The following TSPAN15 variants were observed in gnomAD, a reference collection of about 807,000 sequenced individuals.
TSPAN15 encodes tetraspanin 15, also known as tetraspanin-15.
In TSPAN15, 20 loss-of-function variants were observed where a neutral mutation model predicts 34.5. The ratio of observed to expected loss-of-function variants is 0.58; its 90% CI spans 0.41 to 0.84. TSPAN15 has a LOEUF of 0.84. Ranked by LOEUF, TSPAN15 falls within the 40% of genes least tolerant of loss-of-function variation. TSPAN15 has a pLI of 0.00. For missense variants in TSPAN15, 313 were observed against 386.1 expected (o/e 0.81, Z 1.59); for synonymous variants, 155 against 153.9 (o/e 1.01, Z -0.05).
rs982106731 is a variant in TSPAN15 at position 69,455,522 on chromosome 10, CTCTT to C, written c.96+3840_96+3843del. Among the ~76,000 whole-genome samples, 6 of 147,636 alleles carry C rather than the reference CTCTT, an allele frequency of 4.1e-5. No individual in the cohort carries two copies. In the East Asian group the frequency reaches 7.9e-4, roughly 20 times the overall value. On this transcript the variant is annotated intron_variant, in intron 1 of 7. Transcript: ENST00000373290. The stretch of plus-strand genomic sequence containing the variant: ...GGTTGTTCCCAGTCTTTCTTTCCCT[CTCTT>C]TCTTTCTCTTTCTTTCTTTCTTCTC...
intron 3 of TSPAN15, among the ~76,000 whole-genome samples, chr10:69,493,359 TG>T (rs1419481671): frequency 6.6e-5 from 10 of 152,118 alleles, no homozygotes; most frequent in African/African-American, 2.2e-4. Context: ...TCTCTTCTCT[TG>T]GGGCTGACTC....
chr10:69,465,859 TC>T (rs67560560), intron 1 of TSPAN15, among the ~76,000 whole-genome samples: 60,649 of 152,110 alleles, frequency 0.4, 12,603 homozygotes, highest in Non-Finnish European at 0.45. Flanking sequence ...TCTCTGATCC[TC>T]CCCGAAGCTC....
In TSPAN15 at chr10:69,485,205, T is replaced by C; in HGVS notation, c.347T>C (p.Phe116Ser). 1 of 1,613,980 alleles carries C rather than the reference T, an allele frequency of 6.2e-7. No individual in the cohort carries two copies. ...ATTGGTGGCGTGGTGGCCTTGACCTTCCGGAACCAGGTGGGCCTGTGGATT... is the reference window on the plus strand; with the variant it reads ...ATTGGTGGCGTGGTGGCCTTGACCTCCCGGAACCAGGTGGGCCTGTGGATT... The part of the protein sequence containing the change: ...ELIGGVVALT[F>S]RNQTIDFLND... The change falls in exon 3 of 8, where the codon TTC (phenylalanine) becomes TCC (serine). Residue 116 changes from phenylalanine (F) to serine (S), a missense_variant. Phe to Ser is a radical substitution (Grantham distance 155, BLOSUM62 -2). Transcript: ENST00000373290.
the TSPAN15 span, among the ~76,000 whole-genome samples, chr10:69,519,197 G>C: frequency 2.2e-4 from 33 of 152,290 alleles, 1 homozygote; most frequent in Admixed American, 2.0e-3. Flanking sequence ...CAGGTGGATT[G>C]CTTGAGCCCA....
In TSPAN15 at chr10:69,483,904, G is replaced by A. The variant is rs200399099; in HGVS notation, c.282+28G>A. The A allele has an allele frequency of 6.2e-6, 10 of 1,604,100 alleles. No homozygotes were observed. The East Asian group carries it at 2.0e-4, about 32-fold the overall frequency. ...GAGTGGACCACACCACCCCTCAGCC[G>A]GGACTCCCCAGGAGAGCTGGGGCGC... On this transcript the variant is annotated intron_variant, in intron 2 of 7. Coordinates refer to ENST00000373290, the MANE Select transcript of TSPAN15 (RefSeq NM_012339.5).
chr10:69,470,464 A>G (rs958369997), intron 1 of TSPAN15, among the ~76,000 whole-genome samples: 3 of 152,166 alleles, frequency 2.0e-5, no homozygotes, highest in Non-Finnish European at 4.4e-5. Flanking sequence ...GCCTCAAAAT[A>G]CACTGCCTGC....
chr10:69,543,842 GGAGTGT>G, the TSPAN15 span, among the ~76,000 whole-genome samples: 2 of 99,182 alleles, frequency 2.0e-5, no homozygotes, highest in Non-Finnish European at 4.2e-5. Flanking sequence ...AGGAAGAAGG[GGAGTGT>G]GTGTGTGTGT....
chr10:69,460,016 GGAGATGAGATGAGATGAGATGAGAT>G (rs56801982), intron 1 of TSPAN15, among the ~76,000 whole-genome samples: 1,692 of 141,242 alleles, frequency 0.012, 29 homozygotes, highest in African/African-American at 0.036. Flanking sequence ...GGGTAGTTGG[GGAGATGAGATGAGATGAGATGAGAT>G]GAGATGAGAT....
intron 1 of TSPAN15, among the ~76,000 whole-genome samples, chr10:69,466,710 T>G (rs10823392): frequency 3.3e-5 from 5 of 152,038 alleles, no homozygotes; most frequent in African/African-American, 9.7e-5. Flanking sequence ...TTTCTGGGAA[T>G]GTAGGCAGTG....
the TSPAN15 span, among the ~76,000 whole-genome samples, chr10:69,543,371 C>A: frequency 6.6e-6 from 1 of 152,204 alleles, no homozygotes; most frequent in Non-Finnish European, 1.5e-5. Flanking sequence ...CTCCTTCCTC[C>A]CCTTCCTGAA....
chr10:69,482,041 C>T (rs1589638915), intron 1 of TSPAN15, among the ~76,000 whole-genome samples: 1 of 149,246 alleles, frequency 6.7e-6, no homozygotes, highest in Non-Finnish European at 1.5e-5. Context: ...CCTCCTGGAG[C>T]TTATGTTCTA....
chr10:69,533,306 T>A, the TSPAN15 span, among the ~76,000 whole-genome samples: 1 of 152,154 alleles, frequency 6.6e-6, no homozygotes, highest in Admixed American at 6.5e-5. Flanking sequence ...AACTGTGATA[T>A]ATATATATAT....
At chr10:69,474,723 A>T (rs1589633812) in intron 1 of TSPAN15, among the ~76,000 whole-genome samples, 2 of 152,178 alleles carry the variant, frequency 1.3e-5, no homozygotes, top group South Asian at 4.1e-4. Context: ...CACCCCACCC[A>T]GCTCTTCATT....
In TSPAN15 at chr10:69,465,845, G is replaced by GGCAT. The variant is rs1230658470; in HGVS notation, c.96+14156_96+14159dup. ...TCATCAAACATGTTCTAGGCATGAG[G>GGCAT]GCATCTCTGATCCTCCCCGAAGCTC... On this transcript the variant is annotated intron_variant, in intron 1 of 7. Transcript: ENST00000373290. Among the ~76,000 whole-genome samples, 12 of 134,858 alleles carry GGCAT rather than the reference G, an allele frequency of 8.9e-5. No homozygotes were observed. The East Asian group carries it at 1.6e-3, about 18-fold the overall frequency. The allele number at this position is 134,858 out of a possible 152,430, so 88.5% of individuals were successfully genotyped here. A position where few individuals can be genotyped will look rare whatever the true frequency, so the allele number is the denominator to read the frequency against.
Position 69,482,068 on chromosome 10 carries a change from CA to C in TSPAN15, c.97-1609del, listed in dbSNP as rs759640769. Among the ~76,000 whole-genome samples, 455 of 120,200 alleles carry C rather than the reference CA, an allele frequency of 3.8e-3. 2 individuals are homozygous for C. The highest frequency in any genetic ancestry group is 4.4e-3 in the Middle Eastern group (1 of 228). 78.9% of individuals were successfully genotyped at this position (120,200 alleles called of 152,430 possible). ...TATGTTCTAGTGAGGAAGACAAATT[CA>C]AAAAAAAAAAAAACCAACCAGAAAT... On this transcript the variant is annotated intron_variant, in intron 1 of 7. Transcript: ENST00000373290.
intron 5 of TSPAN15, 77 bp from the exon 6 acceptor site, chr10:69,504,361 G>A: frequency 1.4e-6 from 2 of 1,441,058 alleles, no homozygotes; most frequent in South Asian, 2.3e-5. Context: ...GTTTTCATCT[G>A]TAAAATGGGT....
At chr10:69,455,611 TCTCTCTCTCTCTCTCCCCCCCCCG>T (rs1841082336) in intron 1 of TSPAN15, among the ~76,000 whole-genome samples, 3 of 103,720 alleles carry the variant, frequency 2.9e-5, no homozygotes, top group African/African-American at 1.2e-4. Context: ...TTTCTTTCTC[TCTCTCTCTCTCTCTCCCCCCCCCG>T]TCTCTTTCTT....
At chr10:69,462,026 A>C (rs1841272945) in intron 1 of TSPAN15, among the ~76,000 whole-genome samples, 1 of 149,328 alleles carries the variant, frequency 6.7e-6, no homozygotes. Flanking sequence ...TTGCTCTGTC[A>C]CCCAGAGCAA....
intron 3 of TSPAN15, among the ~76,000 whole-genome samples, chr10:69,488,031 G>A (rs941169339): frequency 6.6e-6 from 1 of 152,104 alleles, no homozygotes; most frequent in African/African-American, 2.4e-5. Flanking sequence ...TATAAATGCA[G>A]TAAGATCGCT....
Sources: allele counts gnomAD v4.1 joint callset (sites outside exome capture counted in the v4.1 genomes callset), GRCh38; gene constraint gnomAD v4.1.1; transcripts MANE v1.5; gene names NCBI Gene and HGNC (gene_info 2026-07-23, HGNC 2026-07-21).